ABCA13: variants seen among roughly 807,000 people sequenced by gnomAD.
ABCA13 encodes ATP binding cassette subfamily A member 13.
In ABCA13, 476 loss-of-function variants were observed where a neutral mutation model predicts 478.7. The ratio of observed to expected loss-of-function variants is 0.99; its 90% confidence interval spans 0.92 to 1.07. The LOEUF (loss-of-function observed/expected upper bound fraction) is 1.07. ABCA13 is among the 50% of genes least tolerant of loss of function. The pLI is 0.00. For synonymous variants in ABCA13, 2,252 were observed against 2,158.9 expected (o/e 1.04, Z -1.20); for missense variants, 6,060 against 5,910.6 (o/e 1.03, Z -0.83).
chr7:48,242,629 G>T (rs1791021606), intron 10 of ABCA13, among the ~76,000 whole-genome samples: 1 of 152,072 alleles, frequency 6.6e-6, no homozygotes, highest in African/African-American at 2.4e-5. Flanking sequence ...AGTAGAGACA[G>T]GGTTTCACCG....
At chr7:48,568,835 T>C (rs1450461929) in intron 55 of ABCA13, among the ~76,000 whole-genome samples, 3 of 151,998 alleles carry the variant, frequency 2.0e-5, no homozygotes, top group Admixed American at 1.3e-4. Flanking sequence ...GTTTAGATTT[T>C]CTTTTTCTCA....
At chr7:48,388,015 T>A (rs1815454048) in intron 36 of ABCA13, 56 bp downstream of exon 36, 16 of 1,487,866 alleles carry the variant, frequency 1.1e-5, no homozygotes, top group East Asian at 9.4e-5. Flanking sequence ...TCCATTTTGA[T>A]TTTTTTTTGT....
chr7:48,425,281 G>A (rs1250406397), intron 41 of ABCA13, among the ~76,000 whole-genome samples: 1 of 152,248 alleles, frequency 6.6e-6, no homozygotes, highest in Admixed American at 6.5e-5. Flanking sequence ...AGAGGGGCTA[G>A]AAAAGGAAAA....
intron 53 of ABCA13, 90 bp from the exon 54 acceptor site, chr7:48,524,157 AT>A (rs1832737177): frequency 1.6e-6 from 2 of 1,282,152 alleles, no homozygotes; most frequent in African/African-American, 3.1e-5. Context: ...GATATCTTCA[AT>A]TTTTTACAAA....
chr7:48,601,032 T>C (rs950184204), intron 58 of ABCA13, among the ~76,000 whole-genome samples: 2 of 152,258 alleles, frequency 1.3e-5, no homozygotes, highest in East Asian at 1.9e-4. Flanking sequence ...TTTTTTTCTA[T>C]TTTTGGATTG....
In ABCA13 at chr7:48,278,390, C is replaced by T. The variant is rs371039733; in HGVS notation, c.7196C>T (p.Ser2399Phe). The change falls in exon 18 of 62, where the codon TCT becomes TTT. Residue 2399 changes from serine (S) to phenylalanine (F), a missense_variant. Ser to Phe is a radical substitution (Grantham distance 155, BLOSUM62 -2). This residue lies in a region of ABCA13 where 4,423 missense variants were observed against 4,309.1 expected (regional missense o/e 1.03). Coordinates refer to ENST00000435803, the MANE Select transcript of ABCA13 (RefSeq NM_152701.5). ...CAGTTGTTTTTCCATGTGAATAAGT[C>T]TGAGGACCTCTTCAAACTCAATCAA... Reference protein sequence around the residue: ...VSQLFFHVNKSEDLFKLNQDL... With the variant: ...VSQLFFHVNKFEDLFKLNQDL... 1 of 1,613,704 alleles carries T rather than the reference C, an allele frequency of 6.2e-7. No individual in the cohort carries two copies. Among genetic ancestry groups the T allele is most frequent in the Non-Finnish European group, 8.5e-7 (1 of 1,179,844 alleles).
At chr7:48,387,459 T>C (rs185616616) in intron 35 of ABCA13, among the ~76,000 whole-genome samples, 79 of 152,188 alleles carry the variant, frequency 5.2e-4, no homozygotes, top group African/African-American at 1.8e-3. Context: ...ACATCAAAGA[T>C]AGGCAAAAGA....
At chr7:48,565,479 C>T (rs894617080) in intron 55 of ABCA13, among the ~76,000 whole-genome samples, 1 of 151,628 alleles carries the variant, frequency 6.6e-6, no homozygotes, top group Non-Finnish European at 1.5e-5. Flanking sequence ...TCTGAAATAC[C>T]CGAGAGAACT....
At chr7:48,360,314 T>G (rs1291711492) in intron 31 of ABCA13, among the ~76,000 whole-genome samples, 1 of 151,798 alleles carries the variant, frequency 6.6e-6, no homozygotes, top group Non-Finnish European at 1.5e-5. Flanking sequence ...GTGTGATAGT[T>G]TGCTCAGAAT....
rs769349079 is a variant in ABCA13, at chr7:48,314,274, T to C, written c.9724T>C (p.Phe3242Leu). The C allele has an allele frequency of 6.2e-7, 1 of 1,613,614 alleles. No individual in the cohort carries two copies. The highest frequency in any genetic ancestry group is 1.7e-5 in the Admixed American group (1 of 59,966). The change falls in exon 26 of 62, where the codon TTC becomes CTC. Residue 3242 changes from phenylalanine to leucine, a missense_variant. By Grantham distance (22) the Phe-to-Leu change is conservative (BLOSUM62 0). Coordinates refer to ENST00000435803, the MANE Select transcript of ABCA13 (RefSeq NM_152701.5). ...GGCCAGAAGTTCAGCTTTTGGTTCT[T>C]TCCAGTTTGTGATGAAGATGGTTTG... Reference protein sequence around the residue: ...VQARSSAFGSFQFVMKMVCKD... With the variant: ...VQARSSAFGSLQFVMKMVCKD...
chr7:48,282,315 G>A (rs1006897551), intron 19 of ABCA13, among the ~76,000 whole-genome samples: 11 of 152,180 alleles, frequency 7.2e-5, no homozygotes, highest in African/African-American at 2.4e-4. Flanking sequence ...TCCATGGAAT[G>A]GACCACAGTT....
chr7:48,498,651 C>T (rs1830478915), intron 48 of ABCA13, among the ~76,000 whole-genome samples: 1 of 152,148 alleles, frequency 6.6e-6, no homozygotes, highest in Non-Finnish European at 1.5e-5. Context: ...AAAGGCTATA[C>T]TCCCCACATT....
Position 48,248,444 on chromosome 7 carries a change from T to C in ABCA13, c.1865T>C (p.Val622Ala). The change falls in exon 14 of 62, where the codon GTG becomes GCG. Residue 622 changes from valine (V) to alanine (A), a missense_variant and splice_region_variant. Val to Ala is a moderately conservative substitution (Grantham distance 64, BLOSUM62 0). Coordinates refer to ENST00000435803, the MANE Select transcript of ABCA13 (RefSeq NM_152701.5). ...SDCKHQLVST[V>A]IFHTLEKTQF... ...TGTAAGCACCAGCTTGTCTCCACAG[T>C]GTAAGTACATGTTTGGTGGGAAACT... The C allele has an allele frequency of 1.3e-6, 2 of 1,578,034 alleles. No homozygotes were observed. Among genetic ancestry groups the C allele is most frequent in the Admixed American group, 1.8e-5 (1 of 54,680 alleles).
chr7:48,627,146 T>C, intron 59 of ABCA13: 1 of 726,672 alleles, frequency 1.4e-6, no homozygotes, highest in Non-Finnish European at 1.7e-6. Context: ...TGGCTATTAT[T>C]GTACCCACTT....
chr7:48,637,571 A>C (rs1794776656), intron 59 of ABCA13, among the ~76,000 whole-genome samples: 1 of 152,006 alleles, frequency 6.6e-6, no homozygotes, highest in Non-Finnish European at 1.5e-5. Flanking sequence ...ATGTTCAGAG[A>C]CCATTAAAAA....
rs1400262387 is a variant in ABCA13 at position 48,274,926 on chromosome 7, G to A, written c.5260G>A (p.Val1754Ile). 1 of 1,613,882 alleles carries A rather than the reference G, an allele frequency of 6.2e-7. No individual in the cohort carries two copies. ...IDVYYVLPHA[V>I]RLLQGVPGKN... ...TGTGTACTATGTGCTTCCTCATGCT[G>A]TAAGGCTCCTGCAGGGAGTACCTGG... The change falls in exon 17 of 62, where the codon GTA (valine) becomes ATA (isoleucine). Residue 1754 changes from valine (V) to isoleucine (I), a missense_variant. By Grantham distance (29) the Val-to-Ile change is conservative. Around this residue, in one of 3 missense-constraint regions of ABCA13, gnomAD observed 4,423 missense variants for 4,309.1 expected, o/e 1.03. Coordinates refer to ENST00000435803, the MANE Select transcript of ABCA13 (RefSeq NM_152701.5).
intron 3 of ABCA13, among the ~76,000 whole-genome samples, chr7:48,216,402 T>C (rs1483103111): frequency 6.6e-6 from 1 of 152,170 alleles, no homozygotes; most frequent in African/African-American, 2.4e-5. Flanking sequence ...CTTGGAGAAA[T>C]GTCTATTCAA....
Position 48,276,187 on chromosome 7 carries a change from A to G in ABCA13, c.6521A>G (p.Asn2174Ser), listed in dbSNP as rs939794983. 1.2e-5 allele frequency: 19 copies of G among 1,588,960 alleles called. No individual in the cohort carries two copies. Among genetic ancestry groups the G allele is most frequent in the Non-Finnish European group, 1.5e-5 (18 of 1,167,720 alleles). ...GCTACTTTTTGGGGCTCTTTAAAAAATATATCTAGAGCAGGCAATTTTGAT... is the reference window on the plus strand; with the variant it reads ...GCTACTTTTTGGGGCTCTTTAAAAAGTATATCTAGAGCAGGCAATTTTGAT... ...AIATFWGSLK[N>S]ISRAGNFDVA... Residue 2174 changes from asparagine (N) to serine (S), a missense_variant, in exon 17 of 62, where the codon AAT becomes AGT. Physicochemically the swap from Asn to Ser is conservative, Grantham distance 46 (BLOSUM62 1). Transcript: ENST00000435803.
intron 45 of ABCA13, 40 bp downstream of exon 45, chr7:48,471,639 ATTC>A (rs1376544396): frequency 6.6e-7 from 1 of 1,511,744 alleles, no homozygotes; most frequent in Admixed American, 2.1e-5. Flanking sequence ...TAAGTCTAAA[ATTC>A]AAGTGACAAA....
Sources: gnomAD v4.1 joint callset for allele counts (sites outside exome capture counted in the v4.1 genomes callset) on GRCh38, gnomAD v4.1.1 for gene constraint, gnomAD v4.1.1 regional missense constraint, MANE v1.5 for transcripts, NCBI Gene and HGNC (gene_info 2026-07-23, HGNC 2026-07-21) for gene names.